EFR3B: variants seen among roughly 807,000 people sequenced by gnomAD.
EFR3B encodes the protein EFR3 homolog B, also known as protein EFR3 homolog B.
EFR3B carries 64 observed loss-of-function variants against 104.7 expected under a neutral mutation model. The observed-to-expected ratio is 0.61, with a 90% CI of 0.50 to 0.75. EFR3B has a LOEUF of 0.75. EFR3B is among the 30% of genes least tolerant of loss of function. EFR3B has a pLI of 0.00. For missense variants in EFR3B, 750 were observed against 1,078.5 expected, an observed-to-expected ratio of 0.70 and a Z score of 4.27; for synonymous variants, 385 against 417.9, an observed-to-expected ratio of 0.92 and a Z score of 0.96.
At position 25,151,961 on chromosome 2, in the gene EFR3B, G is replaced by T; in HGVS notation, c.2239G>T (p.Val747Leu). The change falls in exon 21 of 23, where the codon GTG (valine) becomes TTG (leucine). Residue 747 changes from valine to leucine, a missense_variant. Transcript: ENST00000403714. ...EEQERERRRQ[V>L]VEKFQKAPFE... The stretch of plus-strand genomic sequence containing the variant: ...GCAGGAGCGTGAGCGGCGGCGGCAG[G>T]TGGTGGAGAAGTTCCAGAAGGCACC... 1 of 1,551,740 alleles carries T rather than the reference G, an allele frequency of 6.4e-7. No individual in the cohort carries two copies. Among genetic ancestry groups the T allele is most frequent in the South Asian group, 1.2e-5 (1 of 84,056 alleles).
At chr2:25,152,340 C>T (rs1335816663) in intron 21 of EFR3B, among the ~76,000 whole-genome samples, 1 of 152,228 alleles carries the variant, frequency 6.6e-6, no homozygotes, top group Non-Finnish European at 1.5e-5. Flanking sequence ...GCAGTCAGAT[C>T]ATGCTCACTG....
chr2:25,100,648 G>A (rs746999266), intron 3 of EFR3B, among the ~76,000 whole-genome samples: 9 of 152,064 alleles, frequency 5.9e-5, no homozygotes, highest in Admixed American at 5.2e-4. Flanking sequence ...ACCTGCCACC[G>A]CGCCTGGCTA....
intron 16 of EFR3B, among the ~76,000 whole-genome samples, chr2:25,140,155 A>T (rs1343706506): frequency 6.6e-6 from 1 of 152,144 alleles, no homozygotes; most frequent in African/African-American, 2.4e-5. Flanking sequence ...TCTACTAAAA[A>T]TACAAAAATT....
intron 16 of EFR3B, among the ~76,000 whole-genome samples, chr2:25,140,600 C>A (rs1670636389): frequency 6.6e-6 from 1 of 152,168 alleles, no homozygotes; most frequent in South Asian, 2.1e-4. Flanking sequence ...GTAACTTGCA[C>A]TTTTCTTGTC....
chr2:25,068,450 G>A (rs1292712552), intron 1 of EFR3B, among the ~76,000 whole-genome samples: 1 of 152,078 alleles, frequency 6.6e-6, no homozygotes, highest in Non-Finnish European at 1.5e-5. Context: ...AAGGCTCCAC[G>A]CCTCATTTTC....
rs570621358 is a variant in EFR3B at position 25,114,844 on chromosome 2, C to T, written c.364-6829C>T. Among the ~76,000 whole-genome samples the T allele has an allele frequency of 4.6e-5, 7 of 152,328 alleles. No homozygotes were observed. Among genetic ancestry groups the T allele is most frequent in the South Asian group, 2.1e-4 (1 of 4,830 alleles). ...CAGTTTACCCTGGGCCAAGTACATG[C>T]GACCTGTAGATCCCCTGCCCCAGAG... On this transcript the variant is annotated intron_variant, in intron 4 of 22. Transcript: ENST00000403714. This position sits in a 1 kb window ranked among gnomAD's most constrained non-coding sequence, Gnocchi z 4.0.
intron 20 of EFR3B, among the ~76,000 whole-genome samples, chr2:25,151,409 C>T (rs1671005827): frequency 6.6e-6 from 1 of 152,114 alleles, no homozygotes; most frequent in South Asian, 2.1e-4. Context: ...GCATATGCCA[C>T]CACGCCTGGC....
chr2:25,142,914 G>A (rs1234248031), intron 17 of EFR3B, among the ~76,000 whole-genome samples: 5 of 147,350 alleles, frequency 3.4e-5, no homozygotes, highest in Non-Finnish European at 5.9e-5. Context: ...CTGCACTCCA[G>A]CCTGGGAAAC....
chr2:25,145,153 A>G, intron 19 of EFR3B, 102 bp downstream of exon 19: 2 of 1,052,874 alleles, frequency 1.9e-6, no homozygotes, highest in Non-Finnish European at 2.9e-6. Flanking sequence ...GGCTGCATGG[A>G]AAGCAAGTTT....
intron 3 of EFR3B, among the ~76,000 whole-genome samples, chr2:25,099,395 C>A (rs1669370416): frequency 6.6e-6 from 1 of 151,938 alleles, no homozygotes; most frequent in African/African-American, 2.4e-5. Context: ...GCCAAGGCTG[C>A]CTTTGTATTT....
Position 25,158,796 on chromosome 2 carries a change from A to G in EFR3B, c.*4456A>G, listed in dbSNP as rs1409438934. 1 of 152,180 alleles carries G rather than the reference A, an allele frequency of 6.6e-6. No homozygotes were observed. The highest frequency in any genetic ancestry group is 2.4e-5 in the African/African-American group (1 of 41,408). The allele number at this position is 152,180 out of a possible 1,614,324, so 9.4% of individuals were successfully genotyped here. Reference sequence around the variant, plus strand: ...GTGGAGGCAGAGTTGTGAATCCACAAATGCTGTAGCCCATATCTCGTAATG... The same window carrying G: ...GTGGAGGCAGAGTTGTGAATCCACAGATGCTGTAGCCCATATCTCGTAATG... On this transcript the variant is annotated 3_prime_UTR_variant, in exon 23 of 23. Transcript: ENST00000403714.
At chr2:25,060,649 G>A (rs921810623) in intron 1 of EFR3B, among the ~76,000 whole-genome samples, 2 of 151,686 alleles carry the variant, frequency 1.3e-5, no homozygotes, top group Admixed American at 6.6e-5. Flanking sequence ...GGCCGGGCGC[G>A]GTGGCTCATG....
At position 25,153,757 on chromosome 2, in the gene EFR3B, A is replaced by G. The variant is rs764918464; in HGVS notation, c.2344A>G (p.Ile782Val). The G allele has an allele frequency of 3.2e-6, 5 of 1,551,700 alleles. No homozygotes were observed. The highest frequency in any genetic ancestry group is 4.4e-6 in the Non-Finnish European group (5 of 1,146,986). ...ACTCAATCAGATCTTTGAAATCACC[A>G]TCCGGTAAGTGACAACCCTGGGCAG... Reference protein sequence around the residue: ...SKLNQIFEITIRPPPSPSGTI... With the variant: ...SKLNQIFEITVRPPPSPSGTI... The change falls in exon 22 of 23, where the codon ATC (isoleucine) becomes GTC (valine). Residue 782 changes from isoleucine to valine, a missense_variant. Transcript: ENST00000403714.
chr2:25,077,905 A>T (rs1668681334), intron 1 of EFR3B, among the ~76,000 whole-genome samples: 1 of 152,118 alleles, frequency 6.6e-6, no homozygotes, highest in Non-Finnish European at 1.5e-5. Flanking sequence ...TCCCCATTGG[A>T]GGGTTGTTGA....
chr2:25,075,645 C>T (rs923276196), intron 1 of EFR3B, among the ~76,000 whole-genome samples: 3 of 152,012 alleles, frequency 2.0e-5, no homozygotes, highest in African/African-American at 7.3e-5. Flanking sequence ...TATTTTTTAC[C>T]TACCAACAAT....
rs988152956 is a variant in EFR3B, at chr2:25,131,438, C to G, written c.920C>G (p.Thr307Arg). 21 of 1,550,630 alleles carry G rather than the reference C, an allele frequency of 1.4e-5. No homozygotes were observed. Among genetic ancestry groups the G allele is most frequent in the Non-Finnish European group, 1.6e-5 (18 of 1,146,874 alleles). ...HLDANSRSAA[T>R]VRAGIVEVLS... ...GACGCCAACAGCCGCAGCGCTGCGA[C>G]GGTGCGCGCGGGCATCGTGGAAGTC... The change falls in exon 9 of 23, where the codon ACG (threonine) becomes AGG (arginine). Residue 307 changes from threonine to arginine, a missense_variant. By Grantham distance (71) the Thr-to-Arg change is moderately conservative. Coordinates refer to ENST00000403714, the MANE Select transcript of EFR3B (RefSeq NM_014971.2). This position sits in a 1 kb window ranked among gnomAD's most constrained non-coding sequence, Gnocchi z 7.6.
rs1670774974 is a variant in EFR3B at position 25,145,001 on chromosome 2, A to G, written c.2092A>G (p.Ile698Val). The G allele has an allele frequency of 6.4e-7, 1 of 1,551,772 alleles. No homozygotes were observed. Among genetic ancestry groups the G allele is most frequent in the African/African-American group, 1.4e-5 (1 of 73,178 alleles). ...LSKRRSIGET[I>V]SLQVEVESRN... Reference sequence around the variant, plus strand: ...CAAGAGGAGGAGCATTGGAGAGACCATCTCCCTGCAGGTGGAGGTAGAATC... The same window carrying G: ...CAAGAGGAGGAGCATTGGAGAGACCGTCTCCCTGCAGGTGGAGGTAGAATC... Residue 698 changes from isoleucine to valine, a missense_variant, in exon 19 of 23, where the codon ATC becomes GTC. Coordinates refer to ENST00000403714, the MANE Select transcript of EFR3B (RefSeq NM_014971.2).
At chr2:25,134,552 A>T (rs1573228936) in intron 12 of EFR3B, among the ~76,000 whole-genome samples, 2 of 151,786 alleles carry the variant, frequency 1.3e-5, no homozygotes, top group East Asian at 3.9e-4. Flanking sequence ...CCCTCCCTAG[A>T]CCTCCTGTCT....
At chr2:25,089,527 C>T (rs886720251) in intron 1 of EFR3B, among the ~76,000 whole-genome samples, 7 of 152,128 alleles carry the variant, frequency 4.6e-5, no homozygotes, top group Non-Finnish European at 8.8e-5. Flanking sequence ...GCTGGGAGAG[C>T]GTGGAGCGTG....
Sources: gnomAD v4.1 joint callset for allele counts (sites outside exome capture counted in the v4.1 genomes callset) on GRCh38, gnomAD v4.1.1 for gene constraint, Gnocchi (gnomAD v3.1) non-coding constraint, MANE v1.5 for transcripts, NCBI Gene and HGNC (gene_info 2026-07-23, HGNC 2026-07-21) for gene names.